Variants in ROBO1 observed in about 807,000 individuals in gnomAD.
ROBO1 encodes the protein roundabout homolog 1.
ROBO1 carries 149 observed loss-of-function variants against 195.9 expected under a neutral mutation model. That is an observed-to-expected ratio of 0.76 (90% CI 0.67 to 0.87). The LOEUF is 0.87. ROBO1 is among the 40% of genes least tolerant of loss of function. The pLI, the probability that ROBO1 is intolerant of heterozygous loss-of-function variation, is 0.00. For missense variants in ROBO1, 1,933 were observed against 2,068.3 expected (o/e 0.93, Z 1.27); for synonymous variants, 816 against 733.2 (o/e 1.11, Z -1.82).
rs924154979 is a variant in ROBO1 at position 79,603,135 on chromosome 3, G to A, written c.-50-13174C>T. 3.2e-4 allele frequency among the ~76,000 whole-genome samples: 48 copies of A among 151,910 alleles called. 1 individual carries two copies. The highest frequency in any genetic ancestry group is 8.8e-5 in the Non-Finnish European group (6 of 67,936). On this transcript the variant is annotated intron_variant, in intron 1 of 30. Transcript: ENST00000464233. ...AAATTAGGACCCCATATTATGTACT[G>A]CCTTGACATCTGGTGAAATTGAGAT...
intron 2 of ROBO1, among the ~76,000 whole-genome samples, chr3:79,386,047 T>C (rs1251707910): frequency 6.6e-6 from 1 of 152,130 alleles, no homozygotes; most frequent in Non-Finnish European, 1.5e-5. Context: ...ATATTAGTCC[T>C]CAATATAGTA....
intron 7 of ROBO1, among the ~76,000 whole-genome samples, chr3:78,715,693 TG>T (rs2081885681): frequency 6.6e-6 from 1 of 152,186 alleles, no homozygotes; most frequent in South Asian, 2.1e-4. Context: ...CGTGCCACCA[TG>T]CCCGGCTAAT....
chr3:79,704,576 C>T (rs577353840), intron 1 of ROBO1, among the ~76,000 whole-genome samples: 11 of 152,002 alleles, frequency 7.2e-5, no homozygotes, highest in African/African-American at 2.7e-4. Flanking sequence ...TTTATGTATC[C>T]TTTCATTTGC....
chr3:79,668,241 A>G lies in ROBO1; in HGVS notation c.-50-78280T>C, dbSNP rs1479626840. 2.0e-5 allele frequency among the ~76,000 whole-genome samples: 3 copies of G among 151,850 alleles called. No individual in the cohort carries two copies. In the Admixed American group the frequency reaches 2.0e-4, roughly 10 times the overall value. On this transcript the variant is annotated intron_variant, in intron 1 of 30. Transcript: ENST00000464233. Reference sequence around the variant, plus strand: ...GGGTAGAATATTATTTAAAATTAAAAGCTGAAGTAACATTGGGTTTTACTG... The same window carrying G: ...GGGTAGAATATTATTTAAAATTAAAGGCTGAAGTAACATTGGGTTTTACTG...
chr3:78,750,585 C>T (rs2108303425), intron 4 of ROBO1, among the ~76,000 whole-genome samples: 1 of 152,040 alleles, frequency 6.6e-6, no homozygotes, highest in Non-Finnish European at 1.5e-5. Context: ...TCAATTTTAA[C>T]ACAATTCTCA....
intron 2 of ROBO1, among the ~76,000 whole-genome samples, chr3:79,513,213 C>T (rs1189431735): frequency 1.3e-5 from 2 of 152,042 alleles, no homozygotes; most frequent in East Asian, 3.9e-4. Context: ...CTTTCAGTCT[C>T]GTATTTTATG....
intron 2 of ROBO1, among the ~76,000 whole-genome samples, chr3:79,495,778 T>A (rs1939696678): frequency 6.6e-6 from 1 of 152,212 alleles, no homozygotes; most frequent in African/African-American, 2.4e-5. Context: ...TATCTCAGTT[T>A]ATAAATCAAT....
intron 2 of ROBO1, among the ~76,000 whole-genome samples, chr3:79,497,047 A>T (rs913177306): frequency 6.6e-6 from 1 of 152,186 alleles, no homozygotes; most frequent in African/African-American, 2.4e-5. Context: ...AGATTTTTTT[A>T]AAGTGTAAAT....
intron 2 of ROBO1, among the ~76,000 whole-genome samples, chr3:79,364,274 A>G (rs2035884116): frequency 6.9e-6 from 1 of 145,612 alleles, no homozygotes; most frequent in South Asian, 2.1e-4. Flanking sequence ...ACACACACAT[A>G]TATATATATA....
chr3:79,523,472 C>CTTTTTTTTTTTTTTT (rs11357932), intron 2 of ROBO1, among the ~76,000 whole-genome samples: 11 of 100,404 alleles, frequency 1.1e-4, no homozygotes, highest in South Asian at 6.2e-4. Context: ...TTTTTTTTTT[C>CTTTTTTTTTTTTTTT]TTTTTTTTTT....
chr3:79,279,985 T>A (rs1409086167), intron 2 of ROBO1, among the ~76,000 whole-genome samples: 1 of 152,218 alleles, frequency 6.6e-6, no homozygotes, highest in African/African-American at 2.4e-5. Context: ...TTAAGTGAAG[T>A]AAGCCAGAAA....
intron 3 of ROBO1, among the ~76,000 whole-genome samples, chr3:79,066,283 G>A (rs1453101283): frequency 6.6e-6 from 1 of 151,876 alleles, no homozygotes; most frequent in African/African-American, 2.4e-5. Flanking sequence ...GGAGAGGTTT[G>A]TGACTTTGAT....
intron 1 of ROBO1, among the ~76,000 whole-genome samples, chr3:79,741,104 G>T (rs2107421796): frequency 6.6e-6 from 1 of 152,272 alleles, no homozygotes; most frequent in East Asian, 1.9e-4. Context: ...GCTGGAAAAG[G>T]TTGTGCTTAG....
chr3:78,944,203 G>A (rs1008825410), intron 3 of ROBO1, among the ~76,000 whole-genome samples: 1 of 152,152 alleles, frequency 6.6e-6, no homozygotes, highest in Non-Finnish European at 1.5e-5. Flanking sequence ...CAAAGTCCTT[G>A]CTCTTTCCAA....
At chr3:78,970,969 A>G (rs1341263987) in intron 3 of ROBO1, among the ~76,000 whole-genome samples, 6 of 152,194 alleles carry the variant, frequency 3.9e-5, no homozygotes, top group Non-Finnish European at 8.8e-5. Context: ...ATGTGGCAAC[A>G]ACAGAATTAA....
At chr3:79,369,517 A>G (rs1234343213) in intron 2 of ROBO1, among the ~76,000 whole-genome samples, 1 of 152,194 alleles carries the variant, frequency 6.6e-6, no homozygotes, top group African/African-American at 2.4e-5. Flanking sequence ...AGCAAGTACA[A>G]TGAGAAAACA....
At chr3:78,719,579 CATGAT>C (rs2081992613) in intron 5 of ROBO1, among the ~76,000 whole-genome samples, 1 of 151,982 alleles carries the variant, frequency 6.6e-6, no homozygotes, top group African/African-American at 2.4e-5. Context: ...AGTAGAATCA[CATGAT>C]ATGTGCTGTT....
chr3:79,626,894 G>T (rs186097992), intron 1 of ROBO1, among the ~76,000 whole-genome samples: 1 of 151,958 alleles, frequency 6.6e-6, no homozygotes, highest in African/African-American at 2.4e-5. Context: ...AATGAACTCC[G>T]ATTCACAATT....
At chr3:78,642,134 G>A (rs1575826468) in intron 21 of ROBO1, among the ~76,000 whole-genome samples, 1 of 152,070 alleles carries the variant, frequency 6.6e-6, no homozygotes, top group Admixed American at 6.6e-5. Flanking sequence ...TACACATGGT[G>A]GTTATAGGGA....
Sources: allele counts gnomAD v4.1 joint callset (sites outside exome capture counted in the v4.1 genomes callset), GRCh38; gene constraint gnomAD v4.1.1; transcripts MANE v1.5; gene names NCBI Gene and HGNC (gene_info 2026-07-23, HGNC 2026-07-21).